Variants in DPH6 observed in about 807,000 individuals in gnomAD.
The protein encoded by DPH6 is diphthamine biosynthesis 6.
DPH6 carries 33 observed loss-of-function variants against 38.2 expected under a neutral mutation model. That is an observed-to-expected ratio of 0.86 (90% confidence interval 0.65 to 1.15). DPH6 has a LOEUF of 1.15. DPH6 is among the 50% of genes most tolerant of loss of function. The probability of loss-of-function intolerance (pLI) is 0.00; values close to 1 mark genes in which losing one functional copy is unlikely to be tolerated. For missense variants in DPH6, 325 were observed against 320.0 expected, an observed-to-expected ratio of 1.02 and a Z score of -0.12; for synonymous variants, 108 against 103.0, an observed-to-expected ratio of 1.05 and a Z score of -0.30.
Position 35,238,257 on chromosome 15 carries a change from T to C in DPH6, n.201-17675A>G, listed in dbSNP as rs537634779. 5 of 482,518 alleles carry C rather than the reference T, an allele frequency of 1.0e-5. No individual in the cohort carries two copies. The Admixed American group carries it at 1.4e-4, about 13-fold the overall frequency. The allele number at this position is 482,518 out of a possible 1,614,324, so 29.9% of individuals were successfully genotyped here. Reference sequence around the variant, plus strand: ...CGGGTGGGGGTGGAATAAAATACTATTTTTACTGCCAAAAAAAAAAAAATG... The same window carrying C: ...CGGGTGGGGGTGGAATAAAATACTACTTTTACTGCCAAAAAAAAAAAAATG... On this transcript the variant is annotated intron_variant and non_coding_transcript_variant, in intron 3 of 3. Transcript: ENST00000560386.
intron 3 of DPH6, among the ~76,000 whole-genome samples, chr15:35,288,827 C>T (rs2140443708): frequency 6.6e-6 from 1 of 152,264 alleles, no homozygotes; most frequent in East Asian, 1.9e-4. Context: ...CATTTGCCAT[C>T]CCCTTCTCAC....
At chr15:35,534,742 G>T (rs2141547048) in intron 3 of DPH6, among the ~76,000 whole-genome samples, 1 of 152,212 alleles carries the variant, frequency 6.6e-6, no homozygotes, top group African/African-American at 2.4e-5. Context: ...AAATCAAAAG[G>T]AACAAATTAT....
intron 7 of DPH6, among the ~76,000 whole-genome samples, chr15:35,380,374 T>C (rs1050830892): frequency 2.0e-5 from 3 of 152,216 alleles, no homozygotes; most frequent in African/African-American, 7.2e-5. Flanking sequence ...AGGATTCATA[T>C]TCTAGGTCTA....
chr15:35,317,386 GAAAGAAAAGGAAAGAAAAAGAA>G (rs1172447447), intron 3 of DPH6, among the ~76,000 whole-genome samples: 2 of 135,774 alleles, frequency 1.5e-5, no homozygotes, highest in Non-Finnish European at 3.2e-5. Context: ...GAAAGAAAAA[GAAAGAAAAGGAAAGAAAAAGAA>G]AGAAAGAAAG....
At chr15:35,164,683 T>C in the DPH6 span, among the ~76,000 whole-genome samples, 1 of 151,866 alleles carries the variant, frequency 6.6e-6, no homozygotes, top group East Asian at 1.9e-4. Context: ...TTTTACCCTA[T>C]GCCTTTGGCT....
chr15:35,292,116 T>C (rs961320490), intron 3 of DPH6, among the ~76,000 whole-genome samples: 7 of 152,168 alleles, frequency 4.6e-5, no homozygotes, highest in African/African-American at 1.7e-4. Context: ...TACAAATATC[T>C]AAATGTTCAT....
intron 3 of DPH6, among the ~76,000 whole-genome samples, chr15:35,478,404 C>T (rs61533386): frequency 0.1 from 14,251 of 136,270 alleles, 1,127 homozygotes; most frequent in African/African-American, 0.23. Context: ...CACACACACA[C>T]AAAGATTGTA....
intron 3 of DPH6, among the ~76,000 whole-genome samples, chr15:35,257,248 T>C (rs2051714713): frequency 6.6e-6 from 1 of 152,208 alleles, no homozygotes; most frequent in Non-Finnish European, 1.5e-5. Flanking sequence ...CTTAGGAACA[T>C]GTAACATCTC....
the DPH6 span, among the ~76,000 whole-genome samples, chr15:35,178,125 A>G: frequency 2.0e-5 from 3 of 152,216 alleles, no homozygotes; most frequent in African/African-American, 7.2e-5. Context: ...TTTTTGTTAT[A>G]TAACATCTAT....
chr15:35,269,915 C>T (rs2051811462), intron 3 of DPH6, among the ~76,000 whole-genome samples: 1 of 151,208 alleles, frequency 6.6e-6, no homozygotes, highest in South Asian at 2.1e-4. Flanking sequence ...CTCAGCCTCC[C>T]GAGTAGCTGG....
intron 3 of DPH6, among the ~76,000 whole-genome samples, chr15:35,464,890 A>G (rs1043194204): frequency 1.3e-5 from 2 of 152,196 alleles, no homozygotes; most frequent in East Asian, 1.9e-4. Flanking sequence ...TTCATATGCA[A>G]ATTTCTACTA....
chr15:35,237,478 C>T (rs148414184), intron 3 of DPH6: 240 of 1,583,918 alleles, frequency 1.5e-4, no homozygotes, highest in Middle Eastern at 1.5e-3. Context: ...GTGCAACCAA[C>T]GTAGGCCTCA....
the DPH6 span, among the ~76,000 whole-genome samples, chr15:35,166,991 C>T: frequency 6.6e-6 from 1 of 152,042 alleles, no homozygotes; most frequent in African/African-American, 2.4e-5. Context: ...TGTAGAAGTA[C>T]TGAAGAGCCG....
intron 3 of DPH6, among the ~76,000 whole-genome samples, chr15:35,311,869 C>T (rs1320341154): frequency 1.3e-5 from 2 of 152,012 alleles, no homozygotes; most frequent in African/African-American, 4.8e-5. Context: ...CTGCAGAAAA[C>T]ATTTCTGCAC....
chr15:35,170,890 T>C, the DPH6 span, among the ~76,000 whole-genome samples: 1 of 152,244 alleles, frequency 6.6e-6, no homozygotes, highest in South Asian at 2.1e-4. Context: ...TGCTCCACAA[T>C]CTGCACTTTC....
At chr15:35,259,837 A>G (rs1289960104) in intron 3 of DPH6, among the ~76,000 whole-genome samples, 3 of 152,222 alleles carry the variant, frequency 2.0e-5, no homozygotes, top group Non-Finnish European at 4.4e-5. Context: ...TGCCCGTAAT[A>G]TGTTGAACAC....
intron 3 of DPH6, among the ~76,000 whole-genome samples, chr15:35,294,436 G>T (rs1239019396): frequency 6.6e-6 from 1 of 152,150 alleles, no homozygotes; most frequent in Non-Finnish European, 1.5e-5. Context: ...GTCCTTTCAA[G>T]ATCAGTTGGT....
chr15:35,514,634 TGTG>T (rs1159496427), intron 3 of DPH6, among the ~76,000 whole-genome samples: 2 of 152,166 alleles, frequency 1.3e-5, no homozygotes, highest in Admixed American at 6.5e-5. Flanking sequence ...TAGTGTTACT[TGTG>T]GTGGAAGCAC....
intron 3 of DPH6, among the ~76,000 whole-genome samples, chr15:35,245,836 G>C (rs2051634394): frequency 6.6e-6 from 1 of 152,118 alleles, no homozygotes; most frequent in Admixed American, 6.5e-5. Context: ...TAGAGAAGAA[G>C]GCTTAAGGAA....
Sources: gnomAD v4.1 joint callset for allele counts (sites outside exome capture counted in the v4.1 genomes callset) on GRCh38, gnomAD v4.1.1 for gene constraint, MANE v1.5 for transcripts, NCBI Gene and HGNC (gene_info 2026-07-23, HGNC 2026-07-21) for gene names.